RAB38: variants seen among roughly 807,000 people sequenced by gnomAD.
The protein encoded by RAB38 is RAB38, member RAS oncogene family, also known as ras-related protein Rab-38.
Under a neutral mutation model 18.4 loss-of-function variants are expected in RAB38, and 15 were observed. The observed-to-expected ratio is 0.82, with a 90% CI of 0.55 to 1.26. The LOEUF (loss-of-function observed/expected upper bound fraction) is 1.26. Ranked by LOEUF, RAB38 falls within the 50% of genes most tolerant of loss-of-function variation. The pLI is 0.00. For synonymous variants in RAB38, 101 were observed against 104.4 expected, an observed-to-expected ratio of 0.97 and a Z score of 0.20; for missense variants, 294 against 267.4, an observed-to-expected ratio of 1.10 and a Z score of -0.69.
the RAB38 span, among the ~76,000 whole-genome samples, chr11:87,937,876 T>G: frequency 0.25 from 31,077 of 125,000 alleles, 3,346 homozygotes; most frequent in South Asian, 0.38. Context: ...AAGTGTTTTT[T>G]TTTTTTTTTT....
chr11:88,159,319 A>T (rs1943161791), intron 1 of RAB38, among the ~76,000 whole-genome samples: 1 of 151,418 alleles, frequency 6.6e-6, no homozygotes, highest in African/African-American at 2.4e-5. Flanking sequence ...AAACACTACT[A>T]AAAACAATCA....
At chr11:87,950,744 C>T in the RAB38 span, among the ~76,000 whole-genome samples, 1 of 151,806 alleles carries the variant, frequency 6.6e-6, no homozygotes. Context: ...AGAGTTTCTG[C>T]AGAGAGATCA....
chr11:88,090,006 T>TA, the RAB38 span, among the ~76,000 whole-genome samples: 1 of 151,832 alleles, frequency 6.6e-6, no homozygotes, highest in Non-Finnish European at 1.5e-5. Context: ...TGGGGGACTA[T>TA]AAAGAGACTC....
the RAB38 span, among the ~76,000 whole-genome samples, chr11:87,873,339 G>A: frequency 6.6e-6 from 1 of 151,382 alleles, no homozygotes; most frequent in Non-Finnish European, 1.5e-5. Flanking sequence ...TGCATATTTT[G>A]GATAACAGTC....
At chr11:88,092,699 A>C in the RAB38 span, among the ~76,000 whole-genome samples, 1 of 151,640 alleles carries the variant, frequency 6.6e-6, no homozygotes, top group East Asian at 1.9e-4. Flanking sequence ...TATATATATA[A>C]AACATATATT....
the RAB38 span, among the ~76,000 whole-genome samples, chr11:88,004,042 T>A: frequency 1.4e-5 from 2 of 141,230 alleles, no homozygotes; most frequent in African/African-American, 2.6e-5. Flanking sequence ...TATATATATA[T>A]GGGAGAAGGT....
At chr11:88,031,414 A>C in the RAB38 span, among the ~76,000 whole-genome samples, 71 of 151,296 alleles carry the variant, frequency 4.7e-4, no homozygotes, top group Admixed American at 4.6e-3. Context: ...AAGGGTATTC[A>C]ATTAGGAAAA....
chr11:87,964,129 T>G, the RAB38 span, among the ~76,000 whole-genome samples: 1 of 152,076 alleles, frequency 6.6e-6, no homozygotes, highest in Non-Finnish European at 1.5e-5. Flanking sequence ...ATATCAAACC[T>G]CCCCAAATGT....
At chr11:87,971,502 A>C in the RAB38 span, among the ~76,000 whole-genome samples, 1 of 151,644 alleles carries the variant, frequency 6.6e-6, no homozygotes, top group Non-Finnish European at 1.5e-5. Context: ...AGGGAAAATG[A>C]CCTCCCTTCC....
the RAB38 span, among the ~76,000 whole-genome samples, chr11:87,861,623 G>T: frequency 6.6e-6 from 1 of 151,784 alleles, no homozygotes; most frequent in Non-Finnish European, 1.5e-5. Flanking sequence ...ATTATTATAA[G>T]AGTGTTTTGA....
chr11:87,941,377 G>A, the RAB38 span, among the ~76,000 whole-genome samples: 825 of 151,246 alleles, frequency 5.5e-3, 15 homozygotes, highest in African/African-American at 0.019. Flanking sequence ...GATTTTATCT[G>A]GCTGGAGCTA....
intron 2 of RAB38, among the ~76,000 whole-genome samples, chr11:88,118,166 A>T (rs1242592554): frequency 1.3e-5 from 2 of 152,268 alleles, no homozygotes; most frequent in African/African-American, 4.8e-5. Flanking sequence ...CCCAAAATAA[A>T]TAAAGGAACA....
At chr11:87,874,471 G>A in the RAB38 span, among the ~76,000 whole-genome samples, 1 of 151,444 alleles carries the variant, frequency 6.6e-6, no homozygotes, top group South Asian at 2.1e-4. Flanking sequence ...CTTACAGGAA[G>A]GGGAACATCA....
At chr11:87,948,609 T>C in the RAB38 span, among the ~76,000 whole-genome samples, 1 of 151,956 alleles carries the variant, frequency 6.6e-6, no homozygotes, top group Non-Finnish European at 1.5e-5. Flanking sequence ...GCATGAAGGG[T>C]TCTTGAATTT....
the RAB38 span, among the ~76,000 whole-genome samples, chr11:87,809,601 T>C: frequency 2.0e-5 from 3 of 152,178 alleles, no homozygotes; most frequent in Non-Finnish European, 4.4e-5. Context: ...ACCTGGGCAA[T>C]CTTTCCATTT....
At chr11:88,110,486 C>T (rs1465215147), downstream of RAB38, among the ~76,000 whole-genome samples, 2 of 152,122 alleles carry the variant, frequency 1.3e-5, no homozygotes, top group Admixed American at 6.5e-5. Context: ...CAAACCTGCA[C>T]ATTCTGCATA....
At chr11:87,866,014 C>A in the RAB38 span, among the ~76,000 whole-genome samples, 1 of 151,614 alleles carries the variant, frequency 6.6e-6, no homozygotes, top group Admixed American at 6.6e-5. Context: ...AAAATATTAT[C>A]AATTTTATAG....
At chr11:88,055,953 T>C in the RAB38 span, among the ~76,000 whole-genome samples, 1 of 152,158 alleles carries the variant, frequency 6.6e-6, no homozygotes, top group Non-Finnish European at 1.5e-5. Flanking sequence ...TTGTTTTGCT[T>C]TGCTTTTGAG....
At chr11:87,816,084 A>C in the RAB38 span, 2 of 152,242 alleles carry the variant, frequency 1.3e-5, no homozygotes, top group African/African-American at 2.4e-5. Context: ...GAGATGTTAG[A>C]TGGTGTGGGA....
Sources: gnomAD v4.1 joint callset for allele counts (sites outside exome capture counted in the v4.1 genomes callset) on GRCh38, gnomAD v4.1.1 for gene constraint, MANE v1.5 for transcripts, NCBI Gene and HGNC (gene_info 2026-07-23, HGNC 2026-07-21) for gene names.